CFAP58: variants seen among roughly 807,000 people sequenced by gnomAD.
The protein encoded by CFAP58 is cilia- and flagella-associated protein 58.
In CFAP58, 88 loss-of-function variants were observed where a neutral mutation model predicts 119.5. The observed-to-expected ratio is 0.74, with a 90% CI of 0.62 to 0.88. CFAP58 has a LOEUF of 0.88. Ranked by LOEUF, CFAP58 falls within the 40% of genes least tolerant of loss-of-function variation. The probability of loss-of-function intolerance (pLI) is 0.00; values close to 1 mark genes in which losing one functional copy is unlikely to be tolerated. For missense variants in CFAP58, 990 were observed against 1,021.2 expected (o/e 0.97, Z 0.42); for synonymous variants, 365 against 366.3 (o/e 1.00, Z 0.04).
intron 7 of CFAP58, among the ~76,000 whole-genome samples, chr10:104,375,560 T>C (rs1256787214): frequency 6.6e-6 from 1 of 152,100 alleles, no homozygotes; most frequent in Non-Finnish European, 1.5e-5. Context: ...GTTGATGAAA[T>C]AATCAAACTC....
At position 104,366,010 on chromosome 10, in the gene CFAP58, T is replaced by C. The variant is rs2014741781; in HGVS notation, c.792+2T>C. 1 of 1,592,908 alleles carries C rather than the reference T, an allele frequency of 6.3e-7. No homozygotes were observed. The highest frequency in any genetic ancestry group is 8.5e-7 in the Non-Finnish European group (1 of 1,171,414). ...GAGCAGCAGCTGAAGGAGCAGAAGG[T>C]GAGTTGGGTGTGGGTCTTCGCAAAA... On this transcript the variant is annotated splice_donor_variant, in intron 5 of 17. Transcript: ENST00000369704. LOFTEE classifies it high-confidence loss of function.
intron 8 of CFAP58, among the ~76,000 whole-genome samples, chr10:104,378,354 GA>G (rs143979496): frequency 0.048 from 7,253 of 151,906 alleles, 445 homozygotes; most frequent in African/African-American, 0.14. Context: ...CCCAATACTT[GA>G]AAAAAAAGTT....
intron 15 of CFAP58, among the ~76,000 whole-genome samples, chr10:104,446,514 CTT>C (rs2013115037): frequency 6.6e-6 from 1 of 152,134 alleles, no homozygotes; most frequent in Admixed American, 6.6e-5. Flanking sequence ...TTTTTTATGA[CTT>C]TTATATTTTC....
At chr10:104,446,795 G>T (rs568149875) in intron 15 of CFAP58, among the ~76,000 whole-genome samples, 42 of 152,266 alleles carry the variant, frequency 2.8e-4, no homozygotes, top group Middle Eastern at 6.8e-3. Context: ...TTTAGTTCAA[G>T]GGTCGGAAAA....
chr10:104,362,018 TC>T lies in CFAP58; in HGVS notation c.292-4del. The T allele has an allele frequency of 6.2e-7, 1 of 1,612,764 alleles. No homozygotes were observed. Reference sequence around the variant, plus strand: ...TTTCTCACTGATATCCTATGGCCCATCTAGGAAATTGAAAAGGCCTGGAAGA... The same window carrying T: ...TTTCTCACTGATATCCTATGGCCCATTAGGAAATTGAAAAGGCCTGGAAGA... On this transcript the variant is annotated splice_polypyrimidine_tract_variant and splice_region_variant and intron_variant, in intron 2 of 17. Transcript: ENST00000369704.
chr10:104,363,585 C>A (rs576549383), intron 3 of CFAP58, among the ~76,000 whole-genome samples: 3 of 152,314 alleles, frequency 2.0e-5, no homozygotes, highest in Admixed American at 2.0e-4. Flanking sequence ...ACGAGACAAG[C>A]ATTGGAAGAG....
intron 15 of CFAP58, among the ~76,000 whole-genome samples, chr10:104,444,409 C>G (rs1401084545): frequency 6.6e-6 from 1 of 152,214 alleles, no homozygotes; most frequent in East Asian, 1.9e-4. Context: ...CATTGGACAG[C>G]TAATGAGTCT....
chr10:104,450,042 T>TAAAG, intron 16 of CFAP58, 29 bp from the exon 17 acceptor site: 1 of 1,579,890 alleles, frequency 6.3e-7, no homozygotes, highest in Non-Finnish European at 8.6e-7. Context: ...TTGTATCTTT[T>TAAAG]GTTAATGCTG....
At chr10:104,357,842 T>G (rs538815092) in intron 1 of CFAP58, among the ~76,000 whole-genome samples, 1 of 75,488 alleles carries the variant, frequency 1.3e-5, no homozygotes, top group African/African-American at 7.3e-5. Flanking sequence ...TATGTACACA[T>G]ATGTACACAT....
At chr10:104,390,377 G>C (rs956964930) in intron 9 of CFAP58, among the ~76,000 whole-genome samples, 1 of 152,154 alleles carries the variant, frequency 6.6e-6, no homozygotes, top group African/African-American at 2.4e-5. Flanking sequence ...GTAATTATAA[G>C]ATCCCATTTG....
chr10:104,396,376 G>A (rs1589920988), intron 11 of CFAP58, among the ~76,000 whole-genome samples: 1 of 6,930 alleles, frequency 1.4e-4, no homozygotes, highest in African/African-American at 9.2e-4. Flanking sequence ...CCATGAGAGA[G>A]AGAGAGAGAG....
At chr10:104,424,824 G>A (rs1241242500) in intron 15 of CFAP58, among the ~76,000 whole-genome samples, 1 of 152,208 alleles carries the variant, frequency 6.6e-6, no homozygotes, top group African/African-American at 2.4e-5. Flanking sequence ...CAGGGGAGAT[G>A]AGTAAGAACT....
chr10:104,357,906 TATACAC>T (rs1564875862), intron 1 of CFAP58, among the ~76,000 whole-genome samples: 1,869 of 121,862 alleles, frequency 0.015, 91 homozygotes, highest in African/African-American at 0.068. Context: ...TATGTACACA[TATACAC>T]ACATATATGT....
chr10:104,431,493 TC>T (rs36112262), intron 15 of CFAP58, among the ~76,000 whole-genome samples: 13 of 151,966 alleles, frequency 8.6e-5, no homozygotes, highest in South Asian at 2.1e-4. Context: ...GTGGGAAAAA[TC>T]CCCCCCTTTT....
upstream of CFAP58, chr10:104,351,489 C>T (rs763539413): frequency 2.0e-5 from 3 of 152,194 alleles, no homozygotes; most frequent in Non-Finnish European, 4.4e-5. Flanking sequence ...AGTGACAAAA[C>T]CTTGTGGTAC....
intron 4 of CFAP58, 35 bp downstream of exon 4, chr10:104,364,924 C>T (rs776639084): frequency 2.5e-6 from 4 of 1,597,408 alleles, no homozygotes; most frequent in Admixed American, 3.6e-5. Flanking sequence ...GGAATATTTC[C>T]TTCCAGAGGA....
intron 4 of CFAP58, 119 bp downstream of exon 4, chr10:104,365,008 A>C: frequency 2.6e-4 from 238 of 910,642 alleles, no homozygotes; most frequent in Non-Finnish European, 3.6e-4. Context: ...CAAATGAAAC[A>C]TCCTCAGTTC....
At chr10:104,393,627 C>G (rs2012096986) in intron 11 of CFAP58, 152 bp downstream of exon 11, 1 of 672,478 alleles carries the variant, frequency 1.5e-6, no homozygotes, top group Non-Finnish European at 2.5e-6. Flanking sequence ...ACACAAGGCA[C>G]CAGGAGGATG....
chr10:104,392,229 C>T lies in CFAP58; in HGVS notation c.1366-4C>T, dbSNP rs369038905. On this transcript the variant is annotated splice_region_variant and splice_polypyrimidine_tract_variant and intron_variant, in intron 9 of 17. Transcript: ENST00000369704. ...CCACATTCATATATGTCTTTCTCCT[C>T]CAGGTCCTTATGAACATGGAAGACA... 7.6e-5 allele frequency: 123 copies of T among 1,610,476 alleles called. No homozygotes were observed. The highest frequency in any genetic ancestry group is 9.7e-5 in the Non-Finnish European group (114 of 1,178,808).
Sources: allele counts gnomAD v4.1 joint callset (sites outside exome capture counted in the v4.1 genomes callset), GRCh38; gene constraint gnomAD v4.1.1; transcripts MANE v1.5; gene names NCBI Gene and HGNC (gene_info 2026-07-23, HGNC 2026-07-21).